Variants in FBXO4 observed in about 807,000 individuals in gnomAD.
The protein encoded by FBXO4 is F-box only protein 4.
Under a neutral mutation model 43.7 loss-of-function variants are expected in FBXO4, and 36 were observed. The ratio of observed to expected loss-of-function variants is 0.82; its 90% CI spans 0.63 to 1.09. The LOEUF is 1.09. Among genes scored for constraint, FBXO4 ranks in the 50% least tolerant of loss-of-function variants. FBXO4 has a pLI of 0.00. For synonymous variants in FBXO4, 180 were observed against 165.6 expected (o/e 1.09, Z -0.67); for missense variants, 435 against 474.1 (o/e 0.92, Z 0.77).
chr5:42,012,034 C>G, the FBXO4 span, among the ~76,000 whole-genome samples: 6 of 152,094 alleles, frequency 3.9e-5, no homozygotes, highest in African/African-American at 1.4e-4. Context: ...AAGGTGAGAA[C>G]ATTTATATAG....
chr5:41,974,419 G>T, the FBXO4 span, among the ~76,000 whole-genome samples: 1 of 151,968 alleles, frequency 6.6e-6, no homozygotes, highest in Non-Finnish European at 1.5e-5. Flanking sequence ...TTGTTTATTT[G>T]TTTGGGTTTT....
At chr5:41,953,367 G>A in the FBXO4 span, among the ~76,000 whole-genome samples, 2 of 151,874 alleles carry the variant, frequency 1.3e-5, no homozygotes, top group Non-Finnish European at 2.9e-5. Flanking sequence ...TGGTGTATAT[G>A]TGCCACATTT....
intron 5 of FBXO4, 141 bp downstream of exon 5, chr5:41,934,449 G>A: frequency 6.7e-7 from 1 of 1,487,592 alleles, no homozygotes; most frequent in Non-Finnish European, 8.9e-7. Flanking sequence ...ACTATTAATA[G>A]TGTGTTCTCA....
At chr5:41,951,549 C>G in the FBXO4 span, 14 of 257,644 alleles carry the variant, frequency 5.4e-5, no homozygotes, top group Non-Finnish European at 8.9e-5. Context: ...GCTTTTTCAG[C>G]AGCAACCTGC....
At chr5:41,934,766 A>T (rs1392655125) in intron 5 of FBXO4, 4 of 1,018,126 alleles carry the variant, frequency 3.9e-6, no homozygotes, top group Non-Finnish European at 3.5e-6. Flanking sequence ...TAGTAAAGAG[A>T]TGTGATGGTA....
the FBXO4 span, among the ~76,000 whole-genome samples, chr5:41,995,453 C>T: frequency 9.8e-4 from 149 of 152,302 alleles, no homozygotes; most frequent in African/African-American, 3.3e-3. Flanking sequence ...GCTGGCAAAT[C>T]GGGCACTCAG....
At chr5:41,926,744 T>A (rs954981530) in intron 1 of FBXO4, among the ~76,000 whole-genome samples, 8 of 152,240 alleles carry the variant, frequency 5.3e-5, no homozygotes, top group Admixed American at 2.6e-4. Context: ...GTGATTTTGC[T>A]GGAAAAATAG....
chr5:41,985,733 T>C, the FBXO4 span, among the ~76,000 whole-genome samples: 1 of 152,164 alleles, frequency 6.6e-6, no homozygotes, highest in Non-Finnish European at 1.5e-5. Context: ...ATTACTAGAA[T>C]CTACCTTATA....
chr5:41,982,514 A>T, the FBXO4 span, among the ~76,000 whole-genome samples: 1 of 151,908 alleles, frequency 6.6e-6, no homozygotes, highest in Non-Finnish European at 1.5e-5. Flanking sequence ...TATTTTTGTT[A>T]TATATCTGTA....
intron 5 of FBXO4, 156 bp from the exon 6 acceptor site, chr5:41,939,285 T>C: frequency 7.1e-6 from 4 of 563,294 alleles, no homozygotes; most frequent in Non-Finnish European, 9.0e-6. Flanking sequence ...GCTTTTAAAC[T>C]GTGGAGACAT....
At chr5:42,025,258 T>C in the FBXO4 span, among the ~76,000 whole-genome samples, 1 of 152,074 alleles carries the variant, frequency 6.6e-6, no homozygotes, top group Non-Finnish European at 1.5e-5. Context: ...TTAACTGGGG[T>C]GAGATGATAT....
At chr5:41,970,159 G>T in the FBXO4 span, among the ~76,000 whole-genome samples, 1 of 151,934 alleles carries the variant, frequency 6.6e-6, no homozygotes, top group Non-Finnish European at 1.5e-5. Context: ...TGAGAATTTG[G>T]TTCTCAATTA....
chr5:41,953,364 T>C, the FBXO4 span, among the ~76,000 whole-genome samples: 1 of 151,902 alleles, frequency 6.6e-6, no homozygotes, highest in African/African-American at 2.4e-5. Context: ...CCGTGGTGTA[T>C]ATGTGCCACA....
At chr5:41,940,256 C>A (rs1215060349) in intron 6 of FBXO4, among the ~76,000 whole-genome samples, 1 of 151,760 alleles carries the variant, frequency 6.6e-6, no homozygotes, top group African/African-American at 2.4e-5. Context: ...TTATTGCTTT[C>A]TAAAATATAT....
At chr5:41,965,958 T>C in the FBXO4 span, among the ~76,000 whole-genome samples, 1 of 152,192 alleles carries the variant, frequency 6.6e-6, no homozygotes, top group African/African-American at 2.4e-5. Context: ...CATGGAATAC[T>C]ATGCAGCCAT....
the FBXO4 span, among the ~76,000 whole-genome samples, chr5:42,013,039 G>T: frequency 8.5e-5 from 13 of 152,126 alleles, no homozygotes; most frequent in Non-Finnish European, 1.6e-4. Context: ...GGGCACAGTG[G>T]CTCACACATA....
the FBXO4 span, among the ~76,000 whole-genome samples, chr5:42,024,312 T>C: frequency 9.9e-5 from 15 of 152,206 alleles, no homozygotes; most frequent in African/African-American, 3.4e-4. Flanking sequence ...AAGGTAATCA[T>C]AATGATAAAC....
chr5:42,040,089 G>A, the FBXO4 span, among the ~76,000 whole-genome samples: 1 of 152,086 alleles, frequency 6.6e-6, no homozygotes, highest in African/African-American at 2.4e-5. Flanking sequence ...GACAGTGGGT[G>A]TTGTTTTAAG....
At chr5:41,955,675 T>C in the FBXO4 span, among the ~76,000 whole-genome samples, 1 of 152,190 alleles carries the variant, frequency 6.6e-6, no homozygotes, top group Non-Finnish European at 1.5e-5. Context: ...AAGAGAGTGC[T>C]GCCTAGCGAG....
Sources: gnomAD v4.1 joint callset for allele counts (sites outside exome capture counted in the v4.1 genomes callset) on GRCh38, gnomAD v4.1.1 for gene constraint, MANE v1.5 for transcripts, NCBI Gene and HGNC (gene_info 2026-07-23, HGNC 2026-07-21) for gene names.